Variants in MFN2 observed in about 807,000 individuals in gnomAD.
MFN2 encodes mitofusin-2.
In MFN2, 43 loss-of-function variants were observed where a neutral mutation model predicts 87.5. The observed-to-expected ratio is 0.49, with a 90% confidence interval of 0.38 to 0.63. The LOEUF (loss-of-function observed/expected upper bound fraction) is 0.63, where lower values mean the gene tolerates loss of function less well. Among genes scored for constraint, MFN2 ranks in the 30% least tolerant of loss-of-function variants. MFN2 has a pLI of 0.00. For synonymous variants in MFN2, 337 were observed against 359.9 expected, an observed-to-expected ratio of 0.94 and a Z score of 0.72; for missense variants, 743 against 972.8, an observed-to-expected ratio of 0.76 and a Z score of 3.14.
chr1:12,005,905 CG>C lies in MFN2; in HGVS notation c.1693del (p.Ala565ProfsTer2). Reference sequence around the variant, plus strand: ...GTTCCTGGGCCCCAAGAACAGCCGTCGGGCCTTGATGGGCTACAATGACCAG... The same window carrying C: ...GTTCCTGGGCCCCAAGAACAGCCGTCGGCCTTGATGGGCTACAATGACCAG... ...NRFLGPKNSR[R>X]ALMGYNDQVQ... is the part of the protein sequence containing the mutation. On this transcript the variant is annotated frameshift_variant, in exon 15 of 19. Transcript: ENST00000235329. LOFTEE classifies it high-confidence loss of function. 3.7e-6 allele frequency: 6 copies of C among 1,613,902 alleles called. No homozygotes were observed. Among genetic ancestry groups the C allele is most frequent in the Non-Finnish European group, 5.1e-6 (6 of 1,180,002 alleles).
In MFN2 at chr1:12,011,606, T is replaced by G. The variant is rs1488929916; in HGVS notation, c.*41T>G. On this transcript the variant is annotated 3_prime_UTR_variant, in exon 19 of 19. Coordinates refer to ENST00000235329, the MANE Select transcript of MFN2 (RefSeq NM_014874.4). Reference sequence around the variant, plus strand: ...GAGTCTGCGTGGAGAGGGGCGGTGCTGCCAGCCCTAAGTGCCATGTGGGCT... The same window carrying G: ...GAGTCTGCGTGGAGAGGGGCGGTGCGGCCAGCCCTAAGTGCCATGTGGGCT... The G allele has an allele frequency of 6.2e-7, 1 of 1,608,594 alleles. No individual in the cohort carries two copies. Among genetic ancestry groups the G allele is most frequent in the Non-Finnish European group, 8.5e-7 (1 of 1,176,380 alleles).
rs1317009723 is a variant in MFN2, at chr1:12,009,699, C to T, written c.2177C>T (p.Ser726Leu). The T allele has an allele frequency of 1.9e-6, 3 of 1,614,110 alleles. No individual in the cohort carries two copies. The highest frequency in any genetic ancestry group is 2.2e-5 in the East Asian group (1 of 44,906). The change falls in exon 18 of 19, where the codon TCA becomes TTA. Residue 726 changes from serine to leucine, a missense_variant. Physicochemically the swap from Ser to Leu is moderately radical, Grantham distance 145. Transcript: ENST00000235329. ...AACAAGAAAATTGAGGTTCTTGACT[C>T]ACTTCAGAGCAAAGCAAAGCTGCTC... ...AMNKKIEVLD[S>L]LQSKAKLLRN...
intron 8 of MFN2, among the ~76,000 whole-genome samples, chr1:12,000,027 G>A (rs1236045016): frequency 1.3e-5 from 2 of 151,816 alleles, no homozygotes; most frequent in East Asian, 4.1e-4. Context: ...AACCCGGGAG[G>A]TGGAGCTTGC....
At chr1:12,001,720 T>A in intron 9 of MFN2, 49 bp from the exon 10 acceptor site, 3 of 1,611,082 alleles carry the variant, frequency 1.9e-6, no homozygotes, top group Non-Finnish European at 2.5e-6. Flanking sequence ...TTCATCGTTT[T>A]CCTCTGCTGC....
At position 12,004,810 on chromosome 1, in the gene MFN2, C is replaced by A; in HGVS notation, c.1393-15C>A. ...GATGGACATGCTTCTCTTAACTTCCCTCTTCTGGTGGCAGGAGCTGCACCG... is the reference window on the plus strand; with the variant it reads ...GATGGACATGCTTCTCTTAACTTCCATCTTCTGGTGGCAGGAGCTGCACCG... On this transcript the variant is annotated splice_polypyrimidine_tract_variant and intron_variant, in intron 13 of 18. Transcript: ENST00000235329. This position sits in a 1 kb window ranked among gnomAD's most constrained non-coding sequence, Gnocchi z 4.2. The A allele has an allele frequency of 6.2e-7, 1 of 1,612,228 alleles. No individual in the cohort carries two copies. Among genetic ancestry groups the A allele is most frequent in the Non-Finnish European group, 8.5e-7 (1 of 1,178,552 alleles).
At chr1:11,990,928 G>A (rs1266247762) in intron 3 of MFN2, among the ~76,000 whole-genome samples, 2 of 152,214 alleles carry the variant, frequency 1.3e-5, no homozygotes, top group South Asian at 2.1e-4. Flanking sequence ...GGCGCTGGCT[G>A]TGGGGGAAAT....
At chr1:11,981,577 C>A (rs1258961230) in intron 1 of MFN2, among the ~76,000 whole-genome samples, 1 of 152,222 alleles carries the variant, frequency 6.6e-6, no homozygotes, top group Non-Finnish European at 1.5e-5. Context: ...AGATACTTTA[C>A]AGTAGCTGAA....
intron 8 of MFN2, 83 bp from the exon 9 acceptor site, chr1:12,001,318 T>C: frequency 1.3e-6 from 2 of 1,565,564 alleles, no homozygotes; most frequent in Non-Finnish European, 1.7e-6. Flanking sequence ...CAGCCTCTTA[T>C]GACCTATTCT....
chr1:12,011,631 TC>T lies in MFN2; in HGVS notation c.*71del. 6.4e-7 allele frequency: 1 copy of T among 1,554,502 alleles called. No individual in the cohort carries two copies. The highest frequency in any genetic ancestry group is 8.9e-7 in the Non-Finnish European group (1 of 1,128,502). On this transcript the variant is annotated 3_prime_UTR_variant, in exon 19 of 19. Transcript: ENST00000235329. Reference sequence around the variant, plus strand: ...TGCCAGCCCTAAGTGCCATGTGGGCTCCCCCAGGGGCACGTGTGGCTCCTGC... The same window carrying T: ...TGCCAGCCCTAAGTGCCATGTGGGCTCCCCAGGGGCACGTGTGGCTCCTGC...
chr1:12,011,668 C>A lies in MFN2; in HGVS notation c.*103C>A. ...ACGTGTGGCTCCTGCCCCCTGGCCA[C>A]TGCCAAGAGAATGAAGCACCCAGTC... On this transcript the variant is annotated 3_prime_UTR_variant, in exon 19 of 19. Coordinates refer to ENST00000235329, the MANE Select transcript of MFN2 (RefSeq NM_014874.4). 1 of 1,244,726 alleles carries A rather than the reference C, an allele frequency of 8.0e-7. No individual in the cohort carries two copies. Among genetic ancestry groups the A allele is most frequent in the Non-Finnish European group, 1.2e-6 (1 of 853,376 alleles). 77.1% of individuals were successfully genotyped at this position (1,244,726 alleles called of 1,614,324 possible).
chr1:11,995,103 G>A (rs1020128326), intron 4 of MFN2, among the ~76,000 whole-genome samples: 5 of 152,134 alleles, frequency 3.3e-5, no homozygotes, highest in Admixed American at 1.3e-4. Context: ...TTAGCTGGGC[G>A]TGGTCGCAGC....
intron 15 of MFN2, 82 bp from the exon 16 acceptor site, chr1:12,006,456 C>A: frequency 6.3e-7 from 1 of 1,575,066 alleles, no homozygotes; most frequent in East Asian, 2.2e-5. Context: ...TCCCTGTTCC[C>A]CAGACTAGGG....
chr1:11,988,992 G>A (rs1019621752), intron 2 of MFN2, among the ~76,000 whole-genome samples, 173 bp from the exon 3 acceptor site: 13 of 152,110 alleles, frequency 8.5e-5, no homozygotes, highest in East Asian at 5.8e-4. Flanking sequence ...GTGAGCCACC[G>A]CGCCCAGCCT....
rs372944254 is a variant in MFN2, at chr1:12,003,922, T to C, written c.1161-70T>C. The C allele has an allele frequency of 1.9e-4, 300 of 1,604,510 alleles. 4 individuals carry two copies. The East Asian group carries it at 5.8e-3, about 31-fold the overall frequency. On this transcript the variant is annotated intron_variant, in intron 11 of 18. Coordinates refer to ENST00000235329, the MANE Select transcript of MFN2 (RefSeq NM_014874.4). This position sits in a 1 kb window ranked among gnomAD's most constrained non-coding sequence, Gnocchi z 4.1. ...AGCGGGCAGGGCGGCGTGGGATTTCTGGCATCCCCTCTTGCTCCTCTGCTT... is the reference window on the plus strand; with the variant it reads ...AGCGGGCAGGGCGGCGTGGGATTTCCGGCATCCCCTCTTGCTCCTCTGCTT...
At chr1:12,011,023 G>A (rs552813221) in intron 18 of MFN2, among the ~76,000 whole-genome samples, 2 of 150,588 alleles carry the variant, frequency 1.3e-5, no homozygotes, top group African/African-American at 2.5e-5. Flanking sequence ...GACTGCGGAT[G>A]TGCCCCCCCC....
intron 3 of MFN2, 40 bp from the exon 4 acceptor site, chr1:11,992,513 CCT>C: frequency 6.2e-7 from 1 of 1,613,872 alleles, no homozygotes; most frequent in Non-Finnish European, 8.5e-7. Flanking sequence ...CTGTGGAACT[CCT>C]CTGACCACGT....
intron 14 of MFN2, among the ~76,000 whole-genome samples, chr1:12,005,246 A>G (rs1639357269): frequency 6.6e-6 from 1 of 152,038 alleles, no homozygotes; most frequent in Non-Finnish European, 1.5e-5. Context: ...ACACCTGGCT[A>G]ATTTTTTTGT....
chr1:12,012,144 T>C lies in MFN2; in HGVS notation c.*579T>C, dbSNP rs1384670469. ...TGGTGAGGCTCAGTTACCCCTGGGC[T>C]TAGGCTGAGGCGGGCCCTGTGCTGG... is the stretch of plus-strand genomic sequence containing the variant. On this transcript the variant is annotated 3_prime_UTR_variant, in exon 19 of 19. Coordinates refer to ENST00000235329, the MANE Select transcript of MFN2 (RefSeq NM_014874.4). The C allele has an allele frequency of 6.2e-6, 1 of 160,830 alleles. No individual in the cohort carries two copies. The highest frequency in any genetic ancestry group is 2.4e-5 in the African/African-American group (1 of 41,678). 10.0% of individuals were successfully genotyped at this position (160,830 alleles called of 1,614,324 possible). A position where few individuals can be genotyped will look rare whatever the true frequency, so the allele number is the denominator to read the frequency against.
chr1:12,004,654 C>A lies in MFN2; in HGVS notation c.1392+41C>A. On this transcript the variant is annotated intron_variant, in intron 13 of 18. Transcript: ENST00000235329. The surrounding 1 kb of genome is among the most constrained non-coding windows in gnomAD (Gnocchi z 4.2). ...ACAGGTCCTCTTGGCAGGAGGCCCCCAAAAGTGATTCAACCCCTGTTGGTC... is the reference window on the plus strand; with the variant it reads ...ACAGGTCCTCTTGGCAGGAGGCCCCAAAAAGTGATTCAACCCCTGTTGGTC... 1 of 1,587,774 alleles carries A rather than the reference C, an allele frequency of 6.3e-7. No individual in the cohort carries two copies. The highest frequency in any genetic ancestry group is 1.1e-5 in the South Asian group (1 of 90,350).
Sources: gnomAD v4.1 joint callset for allele counts (sites outside exome capture counted in the v4.1 genomes callset) on GRCh38, gnomAD v4.1.1 for gene constraint, Gnocchi (gnomAD v3.1) non-coding constraint, MANE v1.5 for transcripts, NCBI Gene and HGNC (gene_info 2026-07-23, HGNC 2026-07-21) for gene names.